DENND1B: variants seen among roughly 807,000 people sequenced by gnomAD.
The protein encoded by DENND1B is DENN domain containing 1B.
A neutral mutation model predicts 90.1 loss-of-function variants in DENND1B; 59 were observed. The observed-to-expected ratio is 0.65, with a 90% confidence interval of 0.53 to 0.81. The LOEUF (loss-of-function observed/expected upper bound fraction) is 0.81, where lower values mean the gene tolerates loss of function less well. Ranked by LOEUF, DENND1B falls within the 40% of genes least tolerant of loss-of-function variation. The pLI is 0.00. For synonymous variants in DENND1B, 337 were observed against 324.6 expected (o/e 1.04, Z -0.41); for missense variants, 862 against 912.6 (o/e 0.94, Z 0.71).
chr1:197,651,286 T>C (rs185474626), intron 7 of DENND1B, among the ~76,000 whole-genome samples: 39 of 152,228 alleles, frequency 2.6e-4, no homozygotes, highest in African/African-American at 9.4e-4. Context: ...AAAATCCATA[T>C]TTTATGATTT....
At position 197,509,802 on chromosome 1, in the gene DENND1B, A is replaced by G. The variant is rs1455349444; in HGVS notation, c.*658T>C. ...CACTTCCTATATTTCACTGAATGAA[A>G]GGTAAGTGTATATTTTTATACTTTT... On this transcript the variant is annotated 3_prime_UTR_variant, in exon 23 of 23. Coordinates refer to ENST00000620048, the MANE Select transcript of DENND1B (RefSeq NM_001195215.2). 1 of 152,166 alleles carries G rather than the reference A, an allele frequency of 6.6e-6. No individual in the cohort carries two copies. Among genetic ancestry groups the G allele is most frequent in the Non-Finnish European group, 1.5e-5 (1 of 67,812 alleles). The allele number at this position is 152,166 out of a possible 1,614,324, so 9.4% of individuals were successfully genotyped here.
chr1:197,528,640 C>T (rs1485547551), intron 20 of DENND1B, among the ~76,000 whole-genome samples: 1 of 152,086 alleles, frequency 6.6e-6, no homozygotes, highest in African/African-American at 2.4e-5. Context: ...GCGGGCGGAT[C>T]ACGAGATCAG....
rs553701878 is a variant in DENND1B at position 197,625,357 on chromosome 1, A to G, written c.673-7598T>C. Among the ~76,000 whole-genome samples the G allele has an allele frequency of 5.7e-3, 863 of 152,274 alleles. 11 individuals are homozygous for G. Among genetic ancestry groups the G allele is most frequent in the African/African-American group, 0.019 (805 of 41,576 alleles). ...AAGCCAGAAGAGAGTGGGGGCCAATATTCAACATTCTTAAAGAAAAGAATT... is the reference window on the plus strand; with the variant it reads ...AAGCCAGAAGAGAGTGGGGGCCAATGTTCAACATTCTTAAAGAAAAGAATT... On this transcript the variant is annotated intron_variant, in intron 10 of 22. Transcript: ENST00000620048.
intron 15 of DENND1B, among the ~76,000 whole-genome samples, chr1:197,577,743 C>T (rs1673812529): frequency 6.6e-6 from 1 of 152,144 alleles, no homozygotes. Context: ...TCTGGGATTC[C>T]TTCCAAATCC....
intron 2 of DENND1B, chr1:197,735,491 T>G: frequency 6.3e-7 from 1 of 1,574,942 alleles, no homozygotes; most frequent in Non-Finnish European, 8.6e-7. Context: ...TGATCTAAAG[T>G]TTTGCTTAAC....
Position 197,607,083 on chromosome 1 carries a change from G to A in DENND1B, c.911C>T (p.Pro304Leu), listed in dbSNP as rs1291669729. 2 of 1,603,644 alleles carry A rather than the reference G, an allele frequency of 1.2e-6. No individual in the cohort carries two copies. Among genetic ancestry groups the A allele is most frequent in the Non-Finnish European group, 1.7e-6 (2 of 1,173,352 alleles). Residue 304 changes from proline to leucine, a missense_variant, in exon 13 of 23, where the codon CCA (proline) becomes CTA (leucine). Physicochemically the swap from Pro to Leu is moderately conservative, Grantham distance 98. Transcript: ENST00000620048. ...AGCCTTCATACTTACCACATCACTT[G>A]GTAGGTTGTTCAAGTCACTAAATGG... ...ESPFSDLNNLPSDVVSALKNK... is the reference protein window; with the variant it reads ...ESPFSDLNNLLSDVVSALKNK...
intron 10 of DENND1B, among the ~76,000 whole-genome samples, chr1:197,641,806 C>A (rs1273140163): frequency 6.6e-6 from 1 of 151,972 alleles, no homozygotes; most frequent in Non-Finnish European, 1.5e-5. Context: ...AGATATCCTA[C>A]AGAAATCCTG....
Position 197,512,910 on chromosome 1 carries a change from T to C in DENND1B, c.1559A>G (p.Tyr520Cys), listed in dbSNP as rs771774066. ...AATGTCATCATCATCTTCATCATCA[T>C]ATAGAGCACCATCAAGGCTCTTAAG... ...RPLKSLDGALYDDEDDDDIER... is the reference protein window; with the variant it reads ...RPLKSLDGALCDDEDDDDIER... Residue 520 changes from tyrosine to cysteine, a missense_variant, in exon 21 of 23, where the codon TAT (tyrosine) becomes TGT (cysteine). Physicochemically the swap from Tyr to Cys is radical, Grantham distance 194. Transcript: ENST00000620048. The C allele has an allele frequency of 6.2e-7, 1 of 1,610,762 alleles. No homozygotes were observed.
At chr1:197,662,346 GACAGT>G (rs1654488369) in intron 5 of DENND1B, among the ~76,000 whole-genome samples, 2 of 151,974 alleles carry the variant, frequency 1.3e-5, no homozygotes, top group Non-Finnish European at 2.9e-5. Context: ...CTATATGAAT[GACAGT>G]ACATTGGATA....
At chr1:197,536,154 GA>G (rs1669876458) in intron 20 of DENND1B, among the ~76,000 whole-genome samples, 1 of 93,218 alleles carries the variant, frequency 1.1e-5, no homozygotes, top group African/African-American at 4.0e-5. Context: ...GAGAGAGAGA[GA>G]GAGATAGATG....
intron 13 of DENND1B, among the ~76,000 whole-genome samples, chr1:197,601,242 G>GAATC (rs911023290): frequency 6.6e-6 from 1 of 151,438 alleles, no homozygotes; most frequent in Non-Finnish European, 1.5e-5. Context: ...AATACCTGTT[G>GAATC]AATGAATAAA....
chr1:197,719,636 A>G (rs1028667440), intron 2 of DENND1B, among the ~76,000 whole-genome samples: 9 of 152,184 alleles, frequency 5.9e-5, no homozygotes, highest in Admixed American at 1.3e-4. Flanking sequence ...CAATATAGGT[A>G]GATATCCAAC....
intron 2 of DENND1B, among the ~76,000 whole-genome samples, chr1:197,745,345 A>C (rs1013515594): frequency 6.6e-6 from 1 of 152,128 alleles, no homozygotes; most frequent in African/African-American, 2.4e-5. Context: ...AGTGAAATAC[A>C]TGTGAGTCTT....
chr1:197,687,032 C>A (rs1383609598), intron 3 of DENND1B, among the ~76,000 whole-genome samples: 2 of 152,124 alleles, frequency 1.3e-5, no homozygotes, highest in Non-Finnish European at 2.9e-5. Context: ...TGATATGATA[C>A]AAATAATGTT....
At chr1:197,576,293 G>C (rs1673681125) in intron 15 of DENND1B, among the ~76,000 whole-genome samples, 2 of 152,066 alleles carry the variant, frequency 1.3e-5, no homozygotes, top group South Asian at 4.1e-4. Flanking sequence ...CATTAGAATA[G>C]GAAATTGGAA....
Position 197,632,333 on chromosome 1 carries a change from TTC to T in DENND1B, c.672+10376_672+10377del, listed in dbSNP as rs1679398974. Among the ~76,000 whole-genome samples, 3 of 152,182 alleles carry T rather than the reference TTC, an allele frequency of 2.0e-5. No individual in the cohort carries two copies. In the South Asian group the frequency reaches 6.2e-4, roughly 32 times the overall value. ...CCCCAGATAGATTTTGTAGTCTGAT[TTC>T]TCTCTCTCCCACTCTCTCCATATAC... On this transcript the variant is annotated intron_variant, in intron 10 of 22. Transcript: ENST00000620048.
rs34670774 is a variant in DENND1B at position 197,536,139 on chromosome 1, T to TGAGAGA, written c.1515+3819_1515+3824dup. Among the ~76,000 whole-genome samples, 30 of 121,990 alleles carry TGAGAGA rather than the reference T, an allele frequency of 2.5e-4. 1 individual carries two copies. The highest frequency in any genetic ancestry group is 8.4e-3 in the Middle Eastern group (2 of 238). 80.0% of individuals were successfully genotyped at this position (121,990 alleles called of 152,430 possible). ...GAGGGAGAGAGGGAGAGAGAGAGAT[T>TGAGAGA]GAGAGAGAGAGAGAGAGAGATAGAT... On this transcript the variant is annotated intron_variant, in intron 20 of 22. Transcript: ENST00000620048.
At chr1:197,692,316 G>C (rs1657982048) in intron 3 of DENND1B, among the ~76,000 whole-genome samples, 1 of 151,774 alleles carries the variant, frequency 6.6e-6, no homozygotes, top group African/African-American at 2.4e-5. Flanking sequence ...AAATATAGAT[G>C]TGATGTGGAA....
chr1:197,704,094 C>T (rs1266155135), intron 3 of DENND1B, among the ~76,000 whole-genome samples: 1 of 151,850 alleles, frequency 6.6e-6, no homozygotes, highest in Non-Finnish European at 1.5e-5. Flanking sequence ...AAATAAAAAA[C>T]ATTAGCCAGA....
Sources: allele counts gnomAD v4.1 joint callset (sites outside exome capture counted in the v4.1 genomes callset), GRCh38; gene constraint gnomAD v4.1.1; transcripts MANE v1.5; gene names NCBI Gene and HGNC (gene_info 2026-07-23, HGNC 2026-07-21).